The following MRPL19 variants were observed in gnomAD, a reference collection of about 807,000 sequenced individuals.
MRPL19 encodes mitochondrial ribosomal protein L19.
A neutral mutation model predicts 34.0 loss-of-function variants in MRPL19; 31 were observed. The ratio of observed to expected loss-of-function variants is 0.91; its 90% CI spans 0.68 to 1.23. The LOEUF (loss-of-function observed/expected upper bound fraction) is 1.23, where lower values mean the gene tolerates loss of function less well. MRPL19 is among the 50% of genes most tolerant of loss of function. The pLI, the probability that MRPL19 is intolerant of heterozygous loss-of-function variation, is 0.00. For missense variants in MRPL19, 384 were observed against 367.6 expected (o/e 1.04, Z -0.37); for synonymous variants, 152 against 127.7 (o/e 1.19, Z -1.28).
rs1353324615 is a variant in MRPL19 at position 75,655,958 on chromosome 2, G to A, written c.*673G>A. On this transcript the variant is annotated 3_prime_UTR_variant, in exon 6 of 6. Coordinates refer to ENST00000393909, the MANE Select transcript of MRPL19 (RefSeq NM_014763.4). Reference sequence around the variant, plus strand: ...TGAAGGCTTCAAGGGAAACGTTACAGTCTTTGGGTCATAGTCTGGCTTCAG... The same window carrying A: ...TGAAGGCTTCAAGGGAAACGTTACAATCTTTGGGTCATAGTCTGGCTTCAG... 4 of 152,096 alleles carry A rather than the reference G, an allele frequency of 2.6e-5. No individual in the cohort carries two copies. The South Asian group carries it at 6.2e-4, about 24-fold the overall frequency. 9.4% of individuals were successfully genotyped at this position (152,096 alleles called of 1,614,324 possible).
rs1468766221 is a variant in MRPL19 at position 75,657,195 on chromosome 2, C to T, written c.*1910C>T. The T allele has an allele frequency of 6.6e-6, 1 of 151,916 alleles. No homozygotes were observed. Among genetic ancestry groups the T allele is most frequent in the Non-Finnish European group, 1.5e-5 (1 of 67,962 alleles). The allele number at this position is 151,916 out of a possible 1,614,324, so 9.4% of individuals were successfully genotyped here. A position where few individuals can be genotyped will look rare whatever the true frequency, so the allele number is the denominator to read the frequency against. On this transcript the variant is annotated 3_prime_UTR_variant, in exon 6 of 6. Transcript: ENST00000393909. Reference sequence around the variant, plus strand: ...TTCCAGGATATCTGATAATCTTTGGCTGTCTTCTTATGGTTGAAAGAGGGA... The same window carrying T: ...TTCCAGGATATCTGATAATCTTTGGTTGTCTTCTTATGGTTGAAAGAGGGA...
rs1678346229 is a variant in MRPL19 at position 75,652,212 on chromosome 2, GAT to G, written c.295_296del (p.Met99ValfsTer24). 2 of 1,606,456 alleles carry G rather than the reference GAT, an allele frequency of 1.2e-6. No homozygotes were observed. The highest frequency in any genetic ancestry group is 2.7e-5 in the African/African-American group (2 of 74,544). ...TCTGAAATTTCAAATAGAAAGAAAA[GAT>G]ATGTTAGAAAGGAGAAAAGTACTCC... The part of the protein sequence containing the change: ...DPLKFQIERK[D>X]MLERRKVLHI... On this transcript the variant is annotated frameshift_variant, in exon 3 of 6. Coordinates refer to ENST00000393909, the MANE Select transcript of MRPL19 (RefSeq NM_014763.4). LOFTEE classifies it high-confidence loss of function.
chr2:75,652,084 T>C (rs1007169046), intron 2 of MRPL19, 58 bp from the exon 3 acceptor site: 11 of 1,015,376 alleles, frequency 1.1e-5, no homozygotes, highest in Non-Finnish European at 1.6e-5. Flanking sequence ...AAAGCAACAA[T>C]TTTTCTTCTA....
chr2:75,652,586 G>A lies in MRPL19; in HGVS notation c.404G>A (p.Gly135Glu). 6.2e-7 allele frequency: 1 copy of A among 1,613,704 alleles called. No homozygotes were observed. The highest frequency in any genetic ancestry group is 8.5e-7 in the Non-Finnish European group (1 of 1,179,738). Residue 135 changes from glycine (G) to glutamate (E), a missense_variant, in exon 4 of 6, where the codon GGG becomes GAG. Transcript: ENST00000393909. The part of the protein sequence containing the change: ...YASGKISQFL[G>E]ICIQRSGRGL... The stretch of plus-strand genomic sequence containing the variant: ...AGTGGAAAAATCAGCCAGTTTCTGG[G>A]GATTTGCATTCAGAGATCAGGAAGA...
At chr2:75,649,300 T>C (rs1397876203) in intron 2 of MRPL19, among the ~76,000 whole-genome samples, 1 of 152,242 alleles carries the variant, frequency 6.6e-6, no homozygotes, top group Non-Finnish European at 1.5e-5. Context: ...GACATACATT[T>C]GAGTATGAAC....
Position 75,661,494 on chromosome 2 carries a change from T to C in MRPL19, c.*6209T>C, listed in dbSNP as rs1678619822. ...GTTTTTCAATGTGCCTACTCCACCA[T>C]GTTGCTCAAGTATGTATATTTTCTA... On this transcript the variant is annotated 3_prime_UTR_variant, in exon 6 of 6. Coordinates refer to ENST00000393909, the MANE Select transcript of MRPL19 (RefSeq NM_014763.4). 6.6e-6 allele frequency: 1 copy of C among 152,146 alleles called. No individual in the cohort carries two copies. Among genetic ancestry groups the C allele is most frequent in the African/African-American group, 2.4e-5 (1 of 41,438 alleles). The allele number at this position is 152,146 out of a possible 1,614,324, so 9.4% of individuals were successfully genotyped here. A position where few individuals can be genotyped will look rare whatever the true frequency, so the allele number is the denominator to read the frequency against.
rs575884210 is a variant in MRPL19 at position 75,659,379 on chromosome 2, C to G, written c.*4094C>G. On this transcript the variant is annotated 3_prime_UTR_variant, in exon 6 of 6. Coordinates refer to ENST00000393909, the MANE Select transcript of MRPL19 (RefSeq NM_014763.4). Reference sequence around the variant, plus strand: ...ATTTGTATGAGTTTGTCTTTTAAATCATTTAGGAAATAAAAAGTGGAGTTA... The same window carrying G: ...ATTTGTATGAGTTTGTCTTTTAAATGATTTAGGAAATAAAAAGTGGAGTTA... Among the ~76,000 whole-genome samples the G allele has an allele frequency of 5.9e-5, 9 of 152,176 alleles. No homozygotes were observed. The highest frequency in any genetic ancestry group is 1.2e-4 in the Non-Finnish European group (8 of 67,974).
rs1428906466 is a variant in MRPL19 at position 75,661,166 on chromosome 2, C to T, written c.*5881C>T. ...TGCTGATTTCAAGACTGCTGCAACA[C>T]CAGGGAGCTTGTGGGGGAAGGGCAA... On this transcript the variant is annotated 3_prime_UTR_variant, in exon 6 of 6. Coordinates refer to ENST00000393909, the MANE Select transcript of MRPL19 (RefSeq NM_014763.4). 6.6e-6 allele frequency: 1 copy of T among 152,150 alleles called. No individual in the cohort carries two copies. Among genetic ancestry groups the T allele is most frequent in the Non-Finnish European group, 1.5e-5 (1 of 68,046 alleles). 9.4% of individuals were successfully genotyped at this position (152,150 alleles called of 1,614,324 possible).
Position 75,657,798 on chromosome 2 carries a change from A to T in MRPL19, c.*2513A>T, listed in dbSNP as rs929890339. 2.0e-5 allele frequency: 3 copies of T among 151,920 alleles called. No individual in the cohort carries two copies. Among genetic ancestry groups the T allele is most frequent in the Non-Finnish European group, 4.4e-5 (3 of 67,990 alleles). 9.4% of individuals were successfully genotyped at this position (151,920 alleles called of 1,614,324 possible). On this transcript the variant is annotated 3_prime_UTR_variant, in exon 6 of 6. Transcript: ENST00000393909. ...AGGAATATCTTTAAAATTCTTGTGAATTTTTCCCCAGAAGTAAAGCAAATC... is the reference window on the plus strand; with the variant it reads ...AGGAATATCTTTAAAATTCTTGTGATTTTTTCCCCAGAAGTAAAGCAAATC...
rs1304037257 is a variant in MRPL19, at chr2:75,655,520, A to G, written c.*235A>G. ...TTTGCTTATTGGAGGCAAAGCTACA[A>G]TAGAAGTCAGAGCATCACCAGAATG... On this transcript the variant is annotated 3_prime_UTR_variant, in exon 6 of 6. Transcript: ENST00000393909. 7.5e-6 allele frequency: 3 copies of G among 398,114 alleles called. No homozygotes were observed. Among genetic ancestry groups the G allele is most frequent in the Non-Finnish European group, 1.3e-5 (3 of 223,884 alleles). 24.7% of individuals were successfully genotyped at this position (398,114 alleles called of 1,614,324 possible).
At position 75,658,109 on chromosome 2, in the gene MRPL19, C is replaced by G. The variant is rs1328909461; in HGVS notation, c.*2824C>G. Among the ~76,000 whole-genome samples, 6 of 152,096 alleles carry G rather than the reference C, an allele frequency of 3.9e-5. No homozygotes were observed. Among genetic ancestry groups the G allele is most frequent in the Non-Finnish European group, 5.9e-5 (4 of 67,986 alleles). On this transcript the variant is annotated 3_prime_UTR_variant, in exon 6 of 6. Transcript: ENST00000393909. ...TTTATCTTTGAGACAAGGTCTCATT[C>G]TATCACTCAGGTAGGAGTGCAGTGG...
rs755713132 is a variant in MRPL19, at chr2:75,647,167, C to T, written c.169C>T (p.Pro57Ser). The change falls in exon 2 of 6, where the codon CCG (proline) becomes TCG (serine). Residue 57 changes from proline to serine, a missense_variant. Physicochemically the swap from Pro to Ser is moderately conservative, Grantham distance 74 (BLOSUM62 -1). Coordinates refer to ENST00000393909, the MANE Select transcript of MRPL19 (RefSeq NM_014763.4). ...GPSEPGAFQP[P>S]PKPVIVDKHR... ...TTCCGAGCCCGGTGCGTTCCAACCG[C>T]CGCCGAAACCGGTCATCGTGGACAA... is the stretch of plus-strand genomic sequence containing the variant. 1.9e-6 allele frequency: 3 copies of T among 1,578,630 alleles called. No homozygotes were observed. Among genetic ancestry groups the T allele is most frequent in the Non-Finnish European group, 2.6e-6 (3 of 1,161,692 alleles).
intron 2 of MRPL19, among the ~76,000 whole-genome samples, chr2:75,648,705 A>C (rs898632824): frequency 7.8e-6 from 1 of 127,990 alleles, no homozygotes; most frequent in African/African-American, 3.5e-5. Flanking sequence ...CTAAAAGTAC[A>C]AAAAAAAAAA....
chr2:75,647,241 A>G (rs1001211850), intron 2 of MRPL19, 22 bp downstream of exon 2: 15 of 1,561,156 alleles, frequency 9.6e-6, no homozygotes, highest in Admixed American at 1.9e-5. Context: ...CCCTGGCGCT[A>G]GGCCGGCAAC....
chr2:75,647,101 G>A lies in MRPL19; in HGVS notation c.104-1G>A. 1 of 1,582,740 alleles carries A rather than the reference G, an allele frequency of 6.3e-7. No individual in the cohort carries two copies. The highest frequency in any genetic ancestry group is 2.3e-5 in the East Asian group (1 of 43,642). ...CTGACCTCCGTCGTCCGCTCCCGCA[G>A]GGGTCCACGCGGGGCCTGTCCGGCA... On this transcript the variant is annotated splice_acceptor_variant, in intron 1 of 5. Transcript: ENST00000393909. LOFTEE classifies it high-confidence loss of function.
Position 75,654,725 on chromosome 2 carries a change from G to C in MRPL19, c.476-11G>C. 6.2e-7 allele frequency: 1 copy of C among 1,612,204 alleles called. No individual in the cohort carries two copies. Among genetic ancestry groups the C allele is most frequent in the Non-Finnish European group, 8.5e-7 (1 of 1,178,982 alleles). On this transcript the variant is annotated splice_polypyrimidine_tract_variant and intron_variant, in intron 4 of 5. Transcript: ENST00000393909. ...CTTAGATTGTAAGAATATGTTTTCT[G>C]TTCTATTTAGGTGTCGAGATTTGCT...
intron 3 of MRPL19, 33 bp from the exon 4 acceptor site, chr2:75,652,490 A>G: frequency 1.9e-6 from 3 of 1,595,922 alleles, no homozygotes; most frequent in Non-Finnish European, 2.6e-6. Flanking sequence ...GGGTGTGCTG[A>G]AAAAAAAGTT....
At chr2:75,649,513 C>T (rs560550563) in intron 2 of MRPL19, among the ~76,000 whole-genome samples, 1 of 151,972 alleles carries the variant, frequency 6.6e-6, no homozygotes, top group Non-Finnish European at 1.5e-5. Flanking sequence ...TGATTGGATA[C>T]CTTTGTATTA....
At chr2:75,647,647 A>T (rs981335242) in intron 2 of MRPL19, 4 of 156,936 alleles carry the variant, frequency 2.5e-5, no homozygotes, top group African/African-American at 9.6e-5. Context: ...AAAGCACAGT[A>T]AAACTGGCCA....
Sources: allele counts gnomAD v4.1 joint callset (sites outside exome capture counted in the v4.1 genomes callset), GRCh38; gene constraint gnomAD v4.1.1; transcripts MANE v1.5; gene names NCBI Gene and HGNC (gene_info 2026-07-23, HGNC 2026-07-21).